The following NEK1 variants were observed in gnomAD, a reference collection of about 807,000 sequenced individuals.
NEK1 encodes serine/threonine-protein kinase Nek1.
Under a neutral mutation model 182.1 loss-of-function variants are expected in NEK1, and 137 were observed. The ratio of observed to expected loss-of-function variants is 0.75; its 90% CI spans 0.65 to 0.87. NEK1 has a LOEUF of 0.87. Among genes scored for constraint, NEK1 ranks in the 40% least tolerant of loss-of-function variants. The probability of loss-of-function intolerance (pLI) is 0.00; values close to 1 mark genes in which losing one functional copy is unlikely to be tolerated. For synonymous variants in NEK1, 513 were observed against 492.2 expected, an observed-to-expected ratio of 1.04 and a Z score of -0.56; for missense variants, 1,391 against 1,494.4, an observed-to-expected ratio of 0.93 and a Z score of 1.14.
chr4:169,485,766 A>G (rs1748925640), intron 23 of NEK1, among the ~76,000 whole-genome samples: 2 of 152,206 alleles, frequency 1.3e-5, no homozygotes, highest in Admixed American at 1.3e-4. Context: ...CTATAATCCC[A>G]GCACTCAGGA....
At position 169,585,375 on chromosome 4, in the gene NEK1, G is replaced by C; in HGVS notation, c.781C>G (p.Arg261Gly). The part of the protein sequence containing the change: ...SILEKGFIAK[R>G]IEKFLSPQLI... ...TGAGGAGAGAGAAACTTTTCAATGCGTTTGGCTATAAAACCTTTCTCCAAT... is the reference window on the plus strand; with the variant it reads ...TGAGGAGAGAGAAACTTTTCAATGCCTTTGGCTATAAAACCTTTCTCCAAT... Residue 261 changes from arginine to glycine, a missense_variant, in exon 10 of 36, where the codon CGC becomes GGC. By Grantham distance (125) the Arg-to-Gly change is moderately radical. Transcript: ENST00000507142. 6.2e-7 allele frequency: 1 copy of C among 1,613,240 alleles called. No individual in the cohort carries two copies. The highest frequency in any genetic ancestry group is 2.2e-5 in the East Asian group (1 of 44,844).
intron 23 of NEK1, among the ~76,000 whole-genome samples, chr4:169,494,980 C>A (rs1400335982): frequency 1.3e-5 from 2 of 152,106 alleles, no homozygotes; most frequent in African/African-American, 4.8e-5. Context: ...ATTGTAGATT[C>A]TGGATATTAG....
chr4:169,574,259 A>G (rs1000596932), intron 12 of NEK1, among the ~76,000 whole-genome samples: 2 of 152,216 alleles, frequency 1.3e-5, no homozygotes, highest in African/African-American at 4.8e-5. Flanking sequence ...AATTATGACA[A>G]TATTGGAAGG....
intron 5 of NEK1, among the ~76,000 whole-genome samples, chr4:169,591,213 A>G (rs1372277352): frequency 5.4e-5 from 8 of 148,800 alleles, no homozygotes; most frequent in Non-Finnish European, 8.9e-5. Context: ...TCGTGTTATC[A>G]TAGTTCACTT....
intron 28 of NEK1, among the ~76,000 whole-genome samples, chr4:169,435,239 TAGAAAGC>T (rs112578650): frequency 0.081 from 12,349 of 152,140 alleles, 600 homozygotes; most frequent in African/African-American, 0.14. Flanking sequence ...CCGTATGTGG[TAGAAAGC>T]AGAAAGCTCT....
At chr4:169,537,755 C>T (rs1016258712) in intron 19 of NEK1, 54 bp downstream of exon 19, 14 of 1,317,588 alleles carry the variant, frequency 1.1e-5, no homozygotes, top group Admixed American at 1.7e-5. Flanking sequence ...TATTCCAGAC[C>T]TTCACTTGGA....
intron 12 of NEK1, among the ~76,000 whole-genome samples, chr4:169,570,809 G>A (rs1001671403): frequency 1.3e-5 from 2 of 152,194 alleles, no homozygotes; most frequent in African/African-American, 4.8e-5. Flanking sequence ...AGACATGGGA[G>A]ACTTTTCATT....
intron 27 of NEK1, among the ~76,000 whole-genome samples, chr4:169,449,229 C>A (rs975596910): frequency 1.3e-5 from 2 of 152,140 alleles, no homozygotes; most frequent in Non-Finnish European, 2.9e-5. Context: ...GTGGGCAGGG[C>A]ATAGCTGAAC....
intron 26 of NEK1, among the ~76,000 whole-genome samples, chr4:169,471,645 T>A (rs1384143995): frequency 6.6e-6 from 1 of 152,182 alleles, no homozygotes; most frequent in African/African-American, 2.4e-5. Context: ...TAGCAGATCT[T>A]GAGCGCTGTG....
chr4:169,393,378 T>G lies in NEK1; in HGVS notation c.*1132A>C, dbSNP rs1489856142. The G allele has an allele frequency of 6.6e-6, 1 of 152,158 alleles. No individual in the cohort carries two copies. The highest frequency in any genetic ancestry group is 1.5e-5 in the Non-Finnish European group (1 of 68,018). The allele number at this position is 152,158 out of a possible 1,614,324, so 9.4% of individuals were successfully genotyped here. A position where few individuals can be genotyped will look rare whatever the true frequency, so the allele number is the denominator to read the frequency against. ...ATTAGAAATAATATACATAATAAAT[T>G]CAACATACTGATAGTGCTGCAAGAT... On this transcript the variant is annotated 3_prime_UTR_variant, in exon 36 of 36. Coordinates refer to ENST00000507142, the MANE Select transcript of NEK1 (RefSeq NM_001199397.3).
intron 26 of NEK1, among the ~76,000 whole-genome samples, chr4:169,474,257 A>C (rs1331465561): frequency 1.3e-5 from 2 of 152,154 alleles, no homozygotes; most frequent in African/African-American, 2.4e-5. Context: ...GAGAGGAGAG[A>C]CTTGAATCAT....
intron 23 of NEK1, among the ~76,000 whole-genome samples, chr4:169,496,586 A>C (rs563147060): frequency 2.1e-3 from 311 of 148,744 alleles, no homozygotes; most frequent in African/African-American, 7.5e-3. Context: ...CCATCAATAC[A>C]TAATTTATTG....
intron 5 of NEK1, among the ~76,000 whole-genome samples, chr4:169,597,449 A>C (rs1769703655): frequency 6.6e-6 from 1 of 151,990 alleles, no homozygotes; most frequent in African/African-American, 2.4e-5. Flanking sequence ...CCTCATCTCT[A>C]CAAAAAAAAA....
intron 23 of NEK1, among the ~76,000 whole-genome samples, chr4:169,491,162 A>AAAAAAAAAAAAAAAAAG (rs1554047307): frequency 8.1e-6 from 1 of 122,834 alleles, no homozygotes; most frequent in African/African-American, 3.2e-5. Context: ...AAAAAAAAAA[A>AAAAAAAAAAAAAAAAAG]AGAGAGATGG....
intron 27 of NEK1, 78 bp downstream of exon 27, chr4:169,463,165 T>C (rs996787470): frequency 1.3e-6 from 1 of 783,886 alleles, no homozygotes; most frequent in African/African-American, 1.8e-5. Context: ...TCACTTAAAA[T>C]GGAAACATCT....
At chr4:169,501,134 AC>A (rs1752350591) in intron 23 of NEK1, among the ~76,000 whole-genome samples, 1 of 152,238 alleles carries the variant, frequency 6.6e-6, no homozygotes, top group African/African-American at 2.4e-5. Flanking sequence ...CTTTAAATCA[AC>A]AACAGTACAA....
rs550371715 is a variant in NEK1 at position 169,500,114 on chromosome 4, C to T, written c.2007+6923G>A. Among the ~76,000 whole-genome samples, 4 of 152,348 alleles carry T rather than the reference C, an allele frequency of 2.6e-5. No homozygotes were observed. In the East Asian group the frequency reaches 5.8e-4, roughly 22 times the overall value. The stretch of plus-strand genomic sequence containing the variant: ...CTTGGCAATGGTGGGCACCCCTCCC[C>T]CAGCCTCGCTGCCGCCTTGCAGTTT... On this transcript the variant is annotated intron_variant, in intron 23 of 35. Transcript: ENST00000507142.
chr4:169,584,176 T>C (rs1482306583), intron 10 of NEK1, among the ~76,000 whole-genome samples: 1 of 152,096 alleles, frequency 6.6e-6, no homozygotes, highest in African/African-American at 2.4e-5. Flanking sequence ...AAAATTCAGT[T>C]AAACTCAACA....
intron 23 of NEK1, among the ~76,000 whole-genome samples, chr4:169,500,387 G>A (rs904070193): frequency 2.0e-4 from 30 of 152,132 alleles, no homozygotes; most frequent in Admixed American, 1.2e-3. Flanking sequence ...GTTCATGCTC[G>A]GTGCGCTGCA....
Sources: gnomAD v4.1 joint callset for allele counts (sites outside exome capture counted in the v4.1 genomes callset) on GRCh38, gnomAD v4.1.1 for gene constraint, MANE v1.5 for transcripts, NCBI Gene and HGNC (gene_info 2026-07-23, HGNC 2026-07-21) for gene names.